Variants in CNTNAP5 observed in about 807,000 individuals in gnomAD.
CNTNAP5 encodes contactin associated protein family member 5, also known as contactin-associated protein-like 5.
In CNTNAP5, 72 loss-of-function variants were observed where a neutral mutation model predicts 150.2. The ratio of observed to expected loss-of-function variants is 0.48; its 90% CI spans 0.40 to 0.58. CNTNAP5 has a LOEUF of 0.58. Ranked by LOEUF, CNTNAP5 falls within the 20% of genes least tolerant of loss-of-function variation. The pLI, the probability that CNTNAP5 is intolerant of heterozygous loss-of-function variation, is 0.00. For synonymous variants in CNTNAP5, 672 were observed against 619.8 expected, an observed-to-expected ratio of 1.08 and a Z score of -1.25; for missense variants, 1,636 against 1,626.2, an observed-to-expected ratio of 1.01 and a Z score of -0.10.
chr2:124,124,247 G>C (rs570674896), intron 1 of CNTNAP5, among the ~76,000 whole-genome samples: 2 of 152,114 alleles, frequency 1.3e-5, no homozygotes, highest in African/African-American at 4.8e-5. Context: ...ATCATGGCAC[G>C]AGAACTATGT....
At chr2:124,880,142 A>G (rs1471184790) in intron 21 of CNTNAP5, among the ~76,000 whole-genome samples, 1 of 152,164 alleles carries the variant, frequency 6.6e-6, no homozygotes, top group African/African-American at 2.4e-5. Context: ...TTTAAAACAG[A>G]TTAACATAAC....
intron 21 of CNTNAP5, among the ~76,000 whole-genome samples, chr2:124,902,314 A>G (rs948218258): frequency 6.6e-6 from 1 of 152,190 alleles, no homozygotes; most frequent in Admixed American, 6.5e-5. Flanking sequence ...AATCAGTTCC[A>G]TGGACAGAAC....
Position 124,419,140 on chromosome 2 carries a change from C to CAAAAAAAAAAAAAAA in CNTNAP5, c.529+1559_529+1573dup, listed in dbSNP as rs778863758. Among the ~76,000 whole-genome samples, 203 of 28,882 alleles carry CAAAAAAAAAAAAAAA rather than the reference C, an allele frequency of 7.0e-3. 36 individuals carry two copies. The highest frequency in any genetic ancestry group is 0.012 in the African/African-American group (114 of 9,412). 18.9% of individuals were successfully genotyped at this position (28,882 alleles called of 152,430 possible). A position where few individuals can be genotyped will look rare whatever the true frequency, so the allele number is the denominator to read the frequency against. On this transcript the variant is annotated intron_variant, in intron 4 of 23. Transcript: ENST00000682447. ...TGGGCGACAGAGCGAGACTCCTTCT[C>CAAAAAAAAAAAAAAA]AAAAAAAAAAAAAAAAAAAAAAACA...
rs186662990 is a variant in CNTNAP5, at chr2:124,312,710, A to G, written c.381+70317A>G. 8.3e-3 allele frequency among the ~76,000 whole-genome samples: 1,266 copies of G among 152,308 alleles called. 19 individuals are homozygous for G. The highest frequency in any genetic ancestry group is 0.029 in the African/African-American group (1,188 of 41,566). On this transcript the variant is annotated intron_variant, in intron 3 of 23. Coordinates refer to ENST00000682447, the MANE Select transcript of CNTNAP5 (RefSeq NM_001367498.1). ...CTCAGCCTCCCGAGTAGCTGGGACT[A>G]CAGGCGCTCGCCACAGCACCCGGCT...
chr2:124,520,677 T>A (rs533931050), intron 8 of CNTNAP5, among the ~76,000 whole-genome samples: 16 of 152,316 alleles, frequency 1.1e-4, no homozygotes, highest in Middle Eastern at 3.4e-3. Flanking sequence ...GGGTGCTTAG[T>A]GCCCCATATT....
At chr2:124,772,594 G>A (rs1372868199) in intron 16 of CNTNAP5, among the ~76,000 whole-genome samples, 1 of 152,122 alleles carries the variant, frequency 6.6e-6, no homozygotes, top group East Asian at 1.9e-4. Context: ...ATTTGCAAAC[G>A]TAGCAGGAAA....
chr2:124,550,984 C>A (rs1349636872), intron 10 of CNTNAP5, among the ~76,000 whole-genome samples: 1 of 152,088 alleles, frequency 6.6e-6, no homozygotes, highest in East Asian at 1.9e-4. Flanking sequence ...ATGTCCTCTG[C>A]TTTGAAGAAC....
intron 3 of CNTNAP5, among the ~76,000 whole-genome samples, chr2:124,378,486 T>A (rs1470935907): frequency 6.6e-6 from 1 of 152,150 alleles, no homozygotes; most frequent in Non-Finnish European, 1.5e-5. Flanking sequence ...AAACAGTACA[T>A]ATTTTTTAAA....
At chr2:124,722,012 T>C (rs949996193) in intron 13 of CNTNAP5, among the ~76,000 whole-genome samples, 8 of 152,050 alleles carry the variant, frequency 5.3e-5, no homozygotes, top group African/African-American at 1.9e-4. Flanking sequence ...TGAGGCCTTA[T>C]AAGGACACCA....
At chr2:124,546,728 ACTT>A (rs1172875178) in intron 10 of CNTNAP5, among the ~76,000 whole-genome samples, 1 of 152,192 alleles carries the variant, frequency 6.6e-6, no homozygotes, top group Admixed American at 6.6e-5. Context: ...CTTAAAGGTA[ACTT>A]CTTCTGCCTC....
chr2:124,910,250 T>A (rs1678628458), intron 22 of CNTNAP5, among the ~76,000 whole-genome samples: 1 of 152,068 alleles, frequency 6.6e-6, no homozygotes. Flanking sequence ...GGTTTTTTCA[T>A]TAGCAAGCTT....
chr2:124,640,178 C>T (rs1263901074), intron 12 of CNTNAP5, among the ~76,000 whole-genome samples: 2 of 152,162 alleles, frequency 1.3e-5, no homozygotes, highest in Non-Finnish European at 2.9e-5. Context: ...CACATAGAAT[C>T]CGTTCCACAC....
At chr2:124,286,607 T>A (rs13014396) in intron 3 of CNTNAP5, among the ~76,000 whole-genome samples, 48,201 of 152,022 alleles carry the variant, frequency 0.32, 7,896 homozygotes, top group South Asian at 0.51. Flanking sequence ...TCAGCAGAAT[T>A]GAGGTTGGAC....
chr2:124,606,483 C>G (rs1697108703), intron 11 of CNTNAP5, among the ~76,000 whole-genome samples: 2 of 151,936 alleles, frequency 1.3e-5, no homozygotes, highest in Non-Finnish European at 2.9e-5. Context: ...GTTGGAGCTA[C>G]TGATCTTTTA....
intron 13 of CNTNAP5, among the ~76,000 whole-genome samples, chr2:124,721,521 ATAT>A (rs1680049121): frequency 6.6e-6 from 1 of 151,312 alleles, no homozygotes; most frequent in African/African-American, 2.4e-5. Context: ...ACATAAATAA[ATAT>A]TAAAAAAACA....
intron 7 of CNTNAP5, among the ~76,000 whole-genome samples, chr2:124,501,382 G>A (rs530312815): frequency 6.6e-6 from 1 of 152,240 alleles, no homozygotes; most frequent in South Asian, 2.1e-4. Context: ...AATGGGCTTT[G>A]GGGAATGAAA....
chr2:124,699,497 C>G (rs1325797434), intron 13 of CNTNAP5, among the ~76,000 whole-genome samples: 1 of 152,164 alleles, frequency 6.6e-6, no homozygotes, highest in Non-Finnish European at 1.5e-5. Context: ...TTCAGCCTTG[C>G]TTCACTCAGC....
At position 124,267,903 on chromosome 2, in the gene CNTNAP5, C is replaced by T. The variant is rs916276139; in HGVS notation, c.381+25510C>T. ...CTCGAACTTTAAAATATGCAGCTTCCGAGGCTGACTCACAATCCAAGTGAG... is the reference window on the plus strand; with the variant it reads ...CTCGAACTTTAAAATATGCAGCTTCTGAGGCTGACTCACAATCCAAGTGAG... On this transcript the variant is annotated intron_variant, in intron 3 of 23. Transcript: ENST00000682447. 6.6e-5 allele frequency among the ~76,000 whole-genome samples: 10 copies of T among 152,176 alleles called. 1 individual carries two copies. In the East Asian group the frequency reaches 1.2e-3, roughly 18 times the overall value.
intron 3 of CNTNAP5, among the ~76,000 whole-genome samples, chr2:124,279,650 C>G (rs1254414708): frequency 6.6e-6 from 1 of 152,088 alleles, no homozygotes; most frequent in African/African-American, 2.4e-5. Context: ...TGGAACCTAA[C>G]TAGGGAATGA....
Sources: gnomAD v4.1 joint callset for allele counts (sites outside exome capture counted in the v4.1 genomes callset) on GRCh38, gnomAD v4.1.1 for gene constraint, MANE v1.5 for transcripts, NCBI Gene and HGNC (gene_info 2026-07-23, HGNC 2026-07-21) for gene names.